RBFOX1: variants seen among roughly 807,000 people sequenced by gnomAD.
RBFOX1 encodes RNA binding protein fox-1 homolog 1.
In RBFOX1, 8 loss-of-function variants were observed where a neutral mutation model predicts 57.7. The observed-to-expected ratio is 0.14, with a 90% CI of 0.08 to 0.25. The LOEUF (loss-of-function observed/expected upper bound fraction) is 0.25, where lower values mean the gene tolerates loss of function less well. Ranked by LOEUF, RBFOX1 falls within the 10% of genes least tolerant of loss-of-function variation. The probability of loss-of-function intolerance (pLI) is 1.00; values close to 1 mark genes in which losing one functional copy is unlikely to be tolerated. For missense variants in RBFOX1, 611 were observed against 548.5 expected (o/e 1.11, Z -1.14); for synonymous variants, 326 against 222.4 (o/e 1.47, Z -4.15).
intron 3 of RBFOX1, chr16:6,873,869 A>C (rs2061371437): frequency 6.6e-6 from 1 of 152,200 alleles, no homozygotes; most frequent in African/African-American, 2.4e-5. Context: ...TCAGACAGCT[A>C]GGAAGCATAG....
chr16:7,399,337 C>G (rs777630558), intron 4 of RBFOX1, among the ~76,000 whole-genome samples: 1 of 152,066 alleles, frequency 6.6e-6, no homozygotes, highest in Admixed American at 6.6e-5. Context: ...ATCGCAGCTA[C>G]GTGGGAGGCT....
At chr16:7,680,192 G>A (rs1162083009) in intron 14 of RBFOX1, among the ~76,000 whole-genome samples, 1 of 152,180 alleles carries the variant, frequency 6.6e-6, no homozygotes, top group Non-Finnish European at 1.5e-5. Context: ...CTGGGGGCAG[G>A]CTTCTCTTTA....
chr16:5,750,428 C>T (rs768898133), intron 3 of RBFOX1, among the ~76,000 whole-genome samples: 3 of 152,226 alleles, frequency 2.0e-5, no homozygotes, highest in Non-Finnish European at 4.4e-5. Flanking sequence ...GCAGAGGTTT[C>T]TGCTACCTTT....
chr16:7,452,384 G>C (rs1008056449), intron 4 of RBFOX1, among the ~76,000 whole-genome samples: 2 of 152,142 alleles, frequency 1.3e-5, no homozygotes, highest in Admixed American at 6.6e-5. Flanking sequence ...ACGGTGCCTG[G>C]TGCATCCCCC....
intron 4 of RBFOX1, among the ~76,000 whole-genome samples, chr16:7,072,969 C>A (rs77566960): frequency 6.6e-6 from 1 of 152,308 alleles, no homozygotes; most frequent in Admixed American, 6.5e-5. Flanking sequence ...GCCCTGAGTT[C>A]TTGGCTGAGG....
chr16:6,674,438 C>G, intron 3 of RBFOX1, among the ~76,000 whole-genome samples: 1 of 152,050 alleles, frequency 6.6e-6, no homozygotes, highest in East Asian at 1.9e-4. Flanking sequence ...TCTCCTGCCC[C>G]AGTCTCCTGA....
chr16:6,604,972 C>CA (rs34954952), intron 2 of RBFOX1, among the ~76,000 whole-genome samples: 8 of 151,030 alleles, frequency 5.3e-5, no homozygotes, highest in South Asian at 2.1e-4. Context: ...TCATCTTTAC[C>CA]AAAAAAAGTA....
At chr16:6,965,093 G>T (rs1001543560) in intron 3 of RBFOX1, among the ~76,000 whole-genome samples, 1 of 151,972 alleles carries the variant, frequency 6.6e-6, no homozygotes, top group Non-Finnish European at 1.5e-5. Context: ...CTTCTTCCTA[G>T]GTCATGAGGT....
chr16:6,693,460 A>G (rs557799989), intron 3 of RBFOX1, among the ~76,000 whole-genome samples: 1 of 151,450 alleles, frequency 6.6e-6, no homozygotes, highest in South Asian at 2.1e-4. Flanking sequence ...CACCACCATC[A>G]TCATCACCAT....
At chr16:5,467,198 T>TC (rs1301263952) in intron 1 of RBFOX1, 266 of 923,252 alleles carry the variant, frequency 2.9e-4, no homozygotes, top group Admixed American at 1.2e-3. Context: ...CTCTCTCTCT[T>TC]TTTTTTTTTT....
chr16:7,352,714 A>T (rs1603627017), intron 4 of RBFOX1, among the ~76,000 whole-genome samples: 1 of 151,760 alleles, frequency 6.6e-6, no homozygotes, highest in African/African-American at 2.4e-5. Context: ...TAATGAGCAA[A>T]TTATTATTAT....
intron 4 of RBFOX1, among the ~76,000 whole-genome samples, chr16:7,362,839 C>T (rs1389851444): frequency 6.6e-6 from 1 of 152,128 alleles, no homozygotes; most frequent in East Asian, 1.9e-4. Flanking sequence ...GGTCAGAAGA[C>T]AGCATGTACG....
chr16:6,262,808 C>T (rs982392254), intron 1 of RBFOX1, among the ~76,000 whole-genome samples: 1 of 152,138 alleles, frequency 6.6e-6, no homozygotes, highest in African/African-American at 2.4e-5. Flanking sequence ...TCCAAGGAAG[C>T]GCCCATTCTA....
intron 1 of RBFOX1, among the ~76,000 whole-genome samples, chr16:6,191,552 T>C (rs1466114876): frequency 6.6e-6 from 1 of 152,182 alleles, no homozygotes; most frequent in Non-Finnish European, 1.5e-5. Context: ...GAATGCATTC[T>C]TTATTGGAGA....
At chr16:7,289,678 A>C (rs938770067) in intron 4 of RBFOX1, among the ~76,000 whole-genome samples, 8 of 152,186 alleles carry the variant, frequency 5.3e-5, no homozygotes, top group Non-Finnish European at 8.8e-5. Flanking sequence ...CATCATTATC[A>C]CAATTATCCT....
At chr16:6,988,485 T>C (rs1256101721) in intron 3 of RBFOX1, among the ~76,000 whole-genome samples, 1 of 152,170 alleles carries the variant, frequency 6.6e-6, no homozygotes, top group African/African-American at 2.4e-5. Context: ...TGTGATAACA[T>C]ATTGGGCTAA....
intron 1 of RBFOX1, among the ~76,000 whole-genome samples, chr16:5,319,514 C>A (rs1005366065): frequency 1.3e-5 from 2 of 152,170 alleles, no homozygotes; most frequent in Non-Finnish European, 2.9e-5. Flanking sequence ...GGAGCCATCT[C>A]CAAGAATCCT....
chr16:5,433,358 T>G (rs2067811994), intron 1 of RBFOX1, among the ~76,000 whole-genome samples: 1 of 152,180 alleles, frequency 6.6e-6, no homozygotes, highest in African/African-American at 2.4e-5. Flanking sequence ...CTCTTTTCGC[T>G]CCTGGCTGGG....
chr16:5,808,083 C>T (rs148341903), intron 3 of RBFOX1, among the ~76,000 whole-genome samples: 1,701 of 152,294 alleles, frequency 0.011, 12 homozygotes, highest in Non-Finnish European at 0.016. Context: ...CCATTTCAAA[C>T]GCTGAAGTCC....
Sources: allele counts gnomAD v4.1 joint callset (sites outside exome capture counted in the v4.1 genomes callset), GRCh38; gene constraint gnomAD v4.1.1; transcripts MANE v1.5; gene names NCBI Gene and HGNC (gene_info 2026-07-23, HGNC 2026-07-21).